GABRG3: variants seen among roughly 807,000 people sequenced by gnomAD.
GABRG3 encodes gamma-aminobutyric acid receptor subunit gamma-3.
A neutral mutation model predicts 48.8 loss-of-function variants in GABRG3; 25 were observed. The observed-to-expected ratio is 0.51, with a 90% confidence interval of 0.37 to 0.72. GABRG3 has a LOEUF of 0.72. Among genes scored for constraint, GABRG3 ranks in the 30% least tolerant of loss-of-function variants. The probability of loss-of-function intolerance (pLI) is 0.00; values close to 1 mark genes in which losing one functional copy is unlikely to be tolerated. For missense variants in GABRG3, 394 were observed against 577.9 expected, an observed-to-expected ratio of 0.68 and a Z score of 3.26; for synonymous variants, 227 against 217.6, an observed-to-expected ratio of 1.04 and a Z score of -0.38.
At chr15:27,129,551 G>A (rs1897879728) in intron 3 of GABRG3, among the ~76,000 whole-genome samples, 1 of 152,110 alleles carries the variant, frequency 6.6e-6, no homozygotes, top group African/African-American at 2.4e-5. Flanking sequence ...TCTTTTGGGT[G>A]TACACCTGCA....
chr15:27,528,928 T>A (rs1337404571), intron 9 of GABRG3, among the ~76,000 whole-genome samples: 1 of 152,204 alleles, frequency 6.6e-6, no homozygotes, highest in East Asian at 1.9e-4. Flanking sequence ...CCAACTTGAA[T>A]TGGCAACATT....
At chr15:27,522,276 T>A (rs1343454763) in intron 7 of GABRG3, among the ~76,000 whole-genome samples, 1 of 151,934 alleles carries the variant, frequency 6.6e-6, no homozygotes, top group African/African-American at 2.4e-5. Flanking sequence ...AATGAAGATT[T>A]TTTTAGATAA....
intron 6 of GABRG3, among the ~76,000 whole-genome samples, chr15:27,484,455 T>A (rs534087959): frequency 6.6e-6 from 1 of 152,112 alleles, no homozygotes; most frequent in Non-Finnish European, 1.5e-5. Flanking sequence ...ATGTTATTAA[T>A]TAAAAAGAAG....
chr15:27,162,348 G>C (rs1957503632), intron 3 of GABRG3, among the ~76,000 whole-genome samples: 1 of 152,128 alleles, frequency 6.6e-6, no homozygotes, highest in Non-Finnish European at 1.5e-5. Flanking sequence ...AGCTAAAACT[G>C]TTTCACTGAA....
At chr15:27,278,722 G>T (rs993388859) in intron 3 of GABRG3, among the ~76,000 whole-genome samples, 30 of 152,136 alleles carry the variant, frequency 2.0e-4, no homozygotes, top group Non-Finnish European at 2.9e-5. Context: ...TGTTATTTTG[G>T]ATATTGTGAT....
intron 3 of GABRG3, chr15:27,271,405 G>A (rs1006051794): frequency 2.7e-6 from 1 of 364,604 alleles, no homozygotes; most frequent in Admixed American, 3.4e-5. Flanking sequence ...TCTTACGCAG[G>A]GAGCTGCGCA....
At chr15:27,005,294 G>A (rs913571111) in intron 2 of GABRG3, among the ~76,000 whole-genome samples, 10 of 152,032 alleles carry the variant, frequency 6.6e-5, no homozygotes, top group African/African-American at 9.6e-5. Flanking sequence ...TCCGCCTCCC[G>A]GGTTCAAGCA....
chr15:27,455,735 TTGTG>T (rs1389867592), intron 5 of GABRG3, among the ~76,000 whole-genome samples: 22 of 149,264 alleles, frequency 1.5e-4, no homozygotes, highest in South Asian at 4.3e-4. Context: ...GTTTGTGAGT[TTGTG>T]TGTGGTGTGT....
At chr15:26,986,955 A>G (rs1895162077) in intron 2 of GABRG3, among the ~76,000 whole-genome samples, 1 of 152,216 alleles carries the variant, frequency 6.6e-6, no homozygotes, top group Non-Finnish European at 1.5e-5. Context: ...TTCTGTCTCT[A>G]AACGAAATAA....
chr15:27,308,412 A>G (rs1455151213), intron 3 of GABRG3, among the ~76,000 whole-genome samples: 2 of 146,408 alleles, frequency 1.4e-5, no homozygotes, highest in African/African-American at 4.9e-5. Flanking sequence ...AAACATATAT[A>G]AACATGTAAT....
chr15:27,015,815 A>G (rs1195038677), intron 2 of GABRG3, among the ~76,000 whole-genome samples: 1 of 152,170 alleles, frequency 6.6e-6, no homozygotes, highest in Non-Finnish European at 1.5e-5. Flanking sequence ...GATAACTTCA[A>G]TTGCATATAA....
chr15:27,303,018 A>G (rs550643148), intron 3 of GABRG3, among the ~76,000 whole-genome samples: 7 of 151,970 alleles, frequency 4.6e-5, no homozygotes, highest in Non-Finnish European at 1.0e-4. Context: ...TGCTTATATT[A>G]GAAAAGAAGA....
chr15:27,254,755 T>G (rs550680883), intron 3 of GABRG3, among the ~76,000 whole-genome samples: 78 of 152,054 alleles, frequency 5.1e-4, no homozygotes, highest in Non-Finnish European at 4.6e-4. Flanking sequence ...GATTTCAATG[T>G]ATGAATTTGG....
chr15:27,215,485 C>A (rs1889218201), intron 3 of GABRG3, among the ~76,000 whole-genome samples: 1 of 152,188 alleles, frequency 6.6e-6, no homozygotes, highest in African/African-American at 2.4e-5. Flanking sequence ...ACACTGTCTG[C>A]AAGCTCTGAC....
Position 27,442,148 on chromosome 15 carries a change from G to T in GABRG3, c.575-38502G>T, listed in dbSNP as rs541746541. On this transcript the variant is annotated intron_variant, in intron 5 of 9. Coordinates refer to ENST00000615808, the MANE Select transcript of GABRG3 (RefSeq NM_033223.5). Reference sequence around the variant, plus strand: ...AGTTCCTGGGGCTGCTGGGAGCTTGGGAGCAAGTCCACACCCAGCCTTGGC... The same window carrying T: ...AGTTCCTGGGGCTGCTGGGAGCTTGTGAGCAAGTCCACACCCAGCCTTGGC... Among the ~76,000 whole-genome samples, 5 of 152,240 alleles carry T rather than the reference G, an allele frequency of 3.3e-5. No individual in the cohort carries two copies. In the South Asian group the frequency reaches 1.0e-3, roughly 32 times the overall value.
chr15:26,985,115 TGAG>T (rs1310205240), intron 2 of GABRG3, among the ~76,000 whole-genome samples: 1 of 152,202 alleles, frequency 6.6e-6, no homozygotes, highest in African/African-American at 2.4e-5. Context: ...GGTTGCATGG[TGAG>T]GAGGTGAGGT....
intron 3 of GABRG3, among the ~76,000 whole-genome samples, chr15:27,170,330 G>C (rs1399690008): frequency 6.6e-6 from 1 of 152,132 alleles, no homozygotes; most frequent in Non-Finnish European, 1.5e-5. Flanking sequence ...ACCATGTAAT[G>C]TGCACACAAG....
chr15:27,375,520 T>A (rs1252339519), intron 5 of GABRG3, among the ~76,000 whole-genome samples: 1 of 152,198 alleles, frequency 6.6e-6, no homozygotes, highest in Non-Finnish European at 1.5e-5. Flanking sequence ...ATGCTGCTGA[T>A]AAAGACATGC....
intron 6 of GABRG3, among the ~76,000 whole-genome samples, chr15:27,509,250 C>T (rs901477893): frequency 1.3e-5 from 2 of 151,986 alleles, no homozygotes; most frequent in African/African-American, 2.4e-5. Flanking sequence ...CTTTTTTTCC[C>T]TTGGCTGCTT....
Sources: gnomAD v4.1 joint callset for allele counts (sites outside exome capture counted in the v4.1 genomes callset) on GRCh38, gnomAD v4.1.1 for gene constraint, MANE v1.5 for transcripts, NCBI Gene and HGNC (gene_info 2026-07-23, HGNC 2026-07-21) for gene names.